Variants in GSG1L observed in about 807,000 individuals in gnomAD.
GSG1L encodes the protein GSG1 like.
A neutral mutation model predicts 42.1 loss-of-function variants in GSG1L; 24 were observed. That is an observed-to-expected ratio of 0.57 (90% confidence interval 0.41 to 0.80). GSG1L has a LOEUF of 0.80. Among genes scored for constraint, GSG1L ranks in the 30% least tolerant of loss-of-function variants. GSG1L has a pLI of 0.00. For missense variants in GSG1L, 445 were observed against 472.2 expected (o/e 0.94, Z 0.53); for synonymous variants, 215 against 203.5 (o/e 1.06, Z -0.48).
intron 2 of GSG1L, among the ~76,000 whole-genome samples, chr16:27,953,543 C>T (rs1203255271): frequency 6.6e-6 from 1 of 152,078 alleles, no homozygotes; most frequent in African/African-American, 2.4e-5. Flanking sequence ...CAGAAAGGGG[C>T]TGTGGCAGTG....
intron 1 of GSG1L, among the ~76,000 whole-genome samples, chr16:28,031,953 G>T (rs897724229): frequency 7.9e-5 from 12 of 152,022 alleles, no homozygotes; most frequent in African/African-American, 2.9e-4. Flanking sequence ...GCTCCAACAA[G>T]GAATTATAAC....
In GSG1L at chr16:27,896,191, C is replaced by A. The variant is rs149499359; in HGVS notation, c.398-11553G>T. Among the ~76,000 whole-genome samples, 472 of 152,284 alleles carry A rather than the reference C, an allele frequency of 3.1e-3. 4 individuals are homozygous for A. The highest frequency in any genetic ancestry group is 0.01 in the Middle Eastern group (3 of 294). ...TGCGGGAAATGAGATGTTCAGCCTG[C>A]AGCTGTACTTCCTTCTGGTGGGTGC... On this transcript the variant is annotated intron_variant, in intron 2 of 6. Transcript: ENST00000447459.
intron 3 of GSG1L, among the ~76,000 whole-genome samples, chr16:27,881,627 A>G (rs919571306): frequency 3.9e-5 from 6 of 152,138 alleles, no homozygotes; most frequent in Admixed American, 2.6e-4. Context: ...ATTGGTGACT[A>G]TGTCATGGGT....
At chr16:27,883,823 A>G (rs1400011831) in intron 3 of GSG1L, among the ~76,000 whole-genome samples, 1 of 152,164 alleles carries the variant, frequency 6.6e-6, no homozygotes, top group Non-Finnish European at 1.5e-5. Flanking sequence ...CCTGCCCACC[A>G]AATCTAAGTG....
At chr16:27,979,858 GAGAA>G (rs981592995) in intron 1 of GSG1L, among the ~76,000 whole-genome samples, 29 of 150,620 alleles carry the variant, frequency 1.9e-4, no homozygotes, top group Admixed American at 9.9e-4. Flanking sequence ...GGAAGGAAAA[GAGAA>G]AGAAAGAAAG....
intron 1 of GSG1L, among the ~76,000 whole-genome samples, chr16:27,990,013 A>T (rs1167699329): frequency 1.3e-5 from 2 of 152,182 alleles, no homozygotes; most frequent in African/African-American, 4.8e-5. Flanking sequence ...CAGGTTTCTG[A>T]TAACTTTGGA....
At position 28,059,419 on chromosome 16, in the gene GSG1L, T is replaced by C. The variant is rs1412303297; in HGVS notation, c.349+3657A>G. Among the ~76,000 whole-genome samples the C allele has an allele frequency of 6.6e-6, 1 of 151,778 alleles. No individual in the cohort carries two copies. Among genetic ancestry groups the C allele is most frequent in the African/African-American group, 2.4e-5 (1 of 41,294 alleles). ...CACCCAGCCCTGGGACTGGTCTCTC[T>C]CTTCTCTCTCCAGTCTCACCTCCCT... On this transcript the variant is annotated intron_variant, in intron 1 of 6. Transcript: ENST00000447459. This position sits in a 1 kb window ranked among gnomAD's most constrained non-coding sequence, Gnocchi z 4.4.
chr16:27,838,811 GGGCCCAGCT>G (rs2083347940), intron 4 of GSG1L, among the ~76,000 whole-genome samples: 1 of 152,172 alleles, frequency 6.6e-6, no homozygotes, highest in Admixed American at 6.5e-5. Context: ...CAGGCTCTGA[GGGCCCAGCT>G]GGTCCCTCCA....
At chr16:27,866,193 T>C (rs1206744565) in intron 3 of GSG1L, among the ~76,000 whole-genome samples, 2 of 152,226 alleles carry the variant, frequency 1.3e-5, no homozygotes, top group African/African-American at 4.8e-5. Flanking sequence ...CTTCCCTTTC[T>C]GTAATTAATC....
chr16:27,900,198 CG>C (rs1433004747), intron 2 of GSG1L, among the ~76,000 whole-genome samples: 1 of 152,226 alleles, frequency 6.6e-6, no homozygotes, highest in African/African-American at 2.4e-5. Context: ...ATTGAACCTG[CG>C]GGGTGAGACA....
chr16:27,926,186 C>T (rs1216682486), intron 2 of GSG1L, among the ~76,000 whole-genome samples: 2 of 152,226 alleles, frequency 1.3e-5, no homozygotes, highest in Admixed American at 6.5e-5. Flanking sequence ...ATGTGTTCCA[C>T]AGCCACCTGA....
At chr16:27,961,101 A>C (rs1468451763) in intron 2 of GSG1L, among the ~76,000 whole-genome samples, 1 of 152,222 alleles carries the variant, frequency 6.6e-6, no homozygotes, top group Non-Finnish European at 1.5e-5. Flanking sequence ...TGCTCACCCT[A>C]GAACACACCT....
chr16:27,877,616 G>A (rs1219529016), intron 3 of GSG1L, among the ~76,000 whole-genome samples: 1 of 152,070 alleles, frequency 6.6e-6, no homozygotes, highest in Non-Finnish European at 1.5e-5. Context: ...TCAGCCCTGG[G>A]GGGCCACCTT....
chr16:28,053,623 G>A (rs2086243779), intron 1 of GSG1L, among the ~76,000 whole-genome samples: 1 of 152,204 alleles, frequency 6.6e-6, no homozygotes. Flanking sequence ...AGGGCCACGT[G>A]TGCTGCTACC....
chr16:27,904,063 CCT>C (rs1411732377), intron 2 of GSG1L, among the ~76,000 whole-genome samples: 1 of 152,042 alleles, frequency 6.6e-6, no homozygotes, highest in African/African-American at 2.4e-5. Flanking sequence ...ATGCTGTTCC[CCT>C]GTGTCTCTCC....
At position 27,820,546 on chromosome 16, in the gene GSG1L, G is replaced by A. The variant is rs147226781; in HGVS notation, c.830+8243C>T. Among the ~76,000 whole-genome samples, 628 of 152,254 alleles carry A rather than the reference G, an allele frequency of 4.1e-3. 6 individuals carry two copies. Among genetic ancestry groups the A allele is most frequent in the Middle Eastern group, 6.8e-3 (2 of 294 alleles). On this transcript the variant is annotated intron_variant, in intron 5 of 6. Coordinates refer to ENST00000447459, the MANE Select transcript of GSG1L (RefSeq NM_001109763.2). ...AGCAAACAGGAGAGAGAGAACAGGAGCCATTGGGGCATGCGGTTGACGTGC... is the reference window on the plus strand; with the variant it reads ...AGCAAACAGGAGAGAGAGAACAGGAACCATTGGGGCATGCGGTTGACGTGC...
intron 1 of GSG1L, among the ~76,000 whole-genome samples, chr16:28,047,912 A>G (rs1233272787): frequency 6.6e-6 from 1 of 152,184 alleles, no homozygotes; most frequent in Non-Finnish European, 1.5e-5. Flanking sequence ...TAAAGGGAGT[A>G]AAGATAAATA....
chr16:27,896,431 G>A (rs1198718455), intron 2 of GSG1L, among the ~76,000 whole-genome samples: 2 of 152,178 alleles, frequency 1.3e-5, no homozygotes, highest in Non-Finnish European at 1.5e-5. Context: ...TCTTGAGATG[G>A]AAGGATAAAT....
intron 2 of GSG1L, among the ~76,000 whole-genome samples, chr16:27,921,978 T>C (rs1043872005): frequency 6.7e-6 from 1 of 148,556 alleles, no homozygotes; most frequent in African/African-American, 2.5e-5. Flanking sequence ...CTGTTTTTAT[T>C]GTTGTTGTTG....
Sources: gnomAD v4.1 joint callset for allele counts (sites outside exome capture counted in the v4.1 genomes callset) on GRCh38, gnomAD v4.1.1 for gene constraint, Gnocchi (gnomAD v3.1) non-coding constraint, MANE v1.5 for transcripts, NCBI Gene and HGNC (gene_info 2026-07-23, HGNC 2026-07-21) for gene names.